Variants in AGR3 observed in about 807,000 individuals in gnomAD.
The protein encoded by AGR3 is anterior gradient protein 3.
AGR3 carries 37 observed loss-of-function variants against 24.5 expected under a neutral mutation model. The observed-to-expected ratio is 1.51, with a 90% CI of 1.16 to 1.99. The LOEUF (loss-of-function observed/expected upper bound fraction) is 1.99, where lower values mean the gene tolerates loss of function less well. AGR3 is among the 30% of genes most tolerant of loss of function. The pLI, the probability that AGR3 is intolerant of heterozygous loss-of-function variation, is 0.00. For synonymous variants in AGR3, 75 were observed against 61.6 expected, an observed-to-expected ratio of 1.22 and a Z score of -1.02; for missense variants, 228 against 191.1, an observed-to-expected ratio of 1.19 and a Z score of -1.14.
At chr7:16,860,625 T>G (rs753009463) in intron 6 of AGR3, 42 bp from the exon 7 acceptor site, 13 of 1,387,654 alleles carry the variant, frequency 9.4e-6, no homozygotes, top group Non-Finnish European at 1.3e-5. Flanking sequence ...TAATTTAGCA[T>G]GTTCTTTTCT....
intron 2 of AGR3, among the ~76,000 whole-genome samples, chr7:16,874,755 A>T (rs1020417379): frequency 1.3e-5 from 2 of 152,128 alleles, no homozygotes; most frequent in Non-Finnish European, 2.9e-5. Flanking sequence ...CTTGTTTTTC[A>T]TGTTTGTTTT....
chr7:16,876,629 C>A (rs1781990929), intron 2 of AGR3, among the ~76,000 whole-genome samples: 1 of 152,102 alleles, frequency 6.6e-6, no homozygotes, highest in Non-Finnish European at 1.5e-5. Flanking sequence ...CCATTATCTC[C>A]CATGTAGCAA....
chr7:16,870,057 C>G (rs1449192706), intron 3 of AGR3, among the ~76,000 whole-genome samples: 1 of 151,674 alleles, frequency 6.6e-6, no homozygotes, highest in Non-Finnish European at 1.5e-5. Flanking sequence ...TCTTTCTATC[C>G]AAGAATATAA....
intron 2 of AGR3, among the ~76,000 whole-genome samples, chr7:16,874,345 C>A (rs951150802): frequency 1.4e-4 from 22 of 152,104 alleles, no homozygotes; most frequent in Admixed American, 1.3e-3. Context: ...GGAAAAAATT[C>A]TTGTGTGGGA....
intron 1 of AGR3, among the ~76,000 whole-genome samples, chr7:16,880,552 C>T (rs1782098177): frequency 8.4e-6 from 1 of 118,696 alleles, no homozygotes; most frequent in African/African-American, 3.2e-5. Flanking sequence ...CTCCTCTCCC[C>T]TCCTTTCCCC....
intron 1 of AGR3, among the ~76,000 whole-genome samples, chr7:16,879,307 A>T (rs180875864): frequency 6.6e-6 from 1 of 152,350 alleles, no homozygotes; most frequent in Admixed American, 6.5e-5. Flanking sequence ...AGAAGAATAG[A>T]CTGTCATGAT....
intron 4 of AGR3, 64 bp from the exon 5 acceptor site, chr7:16,862,124 C>T: frequency 8.3e-7 from 1 of 1,203,642 alleles, no homozygotes; most frequent in African/African-American, 1.5e-5. Flanking sequence ...TGTAACATAG[C>T]AAAATAAAGC....
At chr7:16,881,421 T>C (rs1782114464) in intron 1 of AGR3, among the ~76,000 whole-genome samples, 1 of 152,216 alleles carries the variant, frequency 6.6e-6, no homozygotes. Flanking sequence ...TGTAAACTGC[T>C]GAGGGTCCTT....
At chr7:16,870,643 G>C (rs562774624) in intron 3 of AGR3, among the ~76,000 whole-genome samples, 2 of 152,162 alleles carry the variant, frequency 1.3e-5, no homozygotes, top group African/African-American at 2.4e-5. Context: ...AGAATTGGTG[G>C]AGATTAGACA....
intron 3 of AGR3, among the ~76,000 whole-genome samples, chr7:16,863,985 T>C (rs936439966): frequency 6.6e-6 from 1 of 152,186 alleles, no homozygotes; most frequent in Non-Finnish European, 1.5e-5. Context: ...ATATTTGGCA[T>C]AATGTTCAAA....
chr7:16,864,908 C>G, intron 3 of AGR3: 1 of 902,572 alleles, frequency 1.1e-6, no homozygotes. Flanking sequence ...CTGGCTCTCA[C>G]AATATCATCA....
downstream of AGR3, among the ~76,000 whole-genome samples, chr7:16,854,714 C>G (rs1232578486): frequency 6.6e-6 from 1 of 152,170 alleles, no homozygotes; most frequent in Non-Finnish European, 1.5e-5. Context: ...TCTCACAGAT[C>G]TGGAGGGTAG....
At chr7:16,870,287 T>C (rs1410832607) in intron 3 of AGR3, among the ~76,000 whole-genome samples, 1 of 152,078 alleles carries the variant, frequency 6.6e-6, no homozygotes, top group African/African-American at 2.4e-5. Context: ...AGAATTTTTG[T>C]TATTCTGAAT....
chr7:16,873,885 G>A, intron 2 of AGR3, 42 bp from the exon 3 acceptor site: 1 of 1,447,036 alleles, frequency 6.9e-7, no homozygotes, highest in South Asian at 1.1e-5. Context: ...CCCAGAACTA[G>A]AGAAGAGCTC....
At chr7:16,859,718 C>A in intron 7 of AGR3, 87 bp from the exon 8 acceptor site, 2 of 829,212 alleles carry the variant, frequency 2.4e-6, no homozygotes, top group Non-Finnish European at 3.7e-6. Context: ...TGAAATTGGC[C>A]CATTTAAATT....
chr7:16,857,532 G>C (rs1366464282), downstream of AGR3, among the ~76,000 whole-genome samples: 2 of 152,090 alleles, frequency 1.3e-5, no homozygotes, highest in African/African-American at 4.8e-5. Context: ...CATGGAATCA[G>C]CTATATTTCT....
downstream of AGR3, chr7:16,859,348 A>C: frequency 2.3e-6 from 1 of 427,678 alleles, no homozygotes; most frequent in South Asian, 2.9e-5. Context: ...TCTTGTCTCC[A>C]CTATAACTCT....
rs1294625296 is a variant in AGR3 at position 16,862,565 on chromosome 7, T to G, written c.226+45A>C. The G allele has an allele frequency of 2.5e-5, 31 of 1,232,546 alleles. No individual in the cohort carries two copies. In the Admixed American group the frequency reaches 5.4e-4, roughly 21 times the overall value. The allele number at this position is 1,232,546 out of a possible 1,614,324, so 76.4% of individuals were successfully genotyped here. ...CCAGGTCACTTTTCCTATTTTATAT[T>G]GGAAATATTATATATTATAATAAGA... On this transcript the variant is annotated intron_variant, in intron 4 of 7. Coordinates refer to ENST00000310398, the MANE Select transcript of AGR3 (RefSeq NM_176813.5).
intron 3 of AGR3, among the ~76,000 whole-genome samples, chr7:16,867,410 A>G (rs1440249785): frequency 7.2e-5 from 11 of 152,138 alleles, no homozygotes; most frequent in Admixed American, 6.6e-4. Context: ...AGTTGTATAT[A>G]TTTATGGTGT....
Sources: allele counts gnomAD v4.1 joint callset (sites outside exome capture counted in the v4.1 genomes callset), GRCh38; gene constraint gnomAD v4.1.1; transcripts MANE v1.5; gene names NCBI Gene and HGNC (gene_info 2026-07-23, HGNC 2026-07-21).